HPSE2: variants seen among roughly 807,000 people sequenced by gnomAD.
HPSE2 encodes heparanase 2 (inactive).
A neutral mutation model predicts 60.5 loss-of-function variants in HPSE2; 38 were observed. The ratio of observed to expected loss-of-function variants is 0.63; its 90% confidence interval spans 0.48 to 0.82. The LOEUF (loss-of-function observed/expected upper bound fraction) is 0.82. Among genes scored for constraint, HPSE2 ranks in the 40% least tolerant of loss-of-function variants. The probability of loss-of-function intolerance (pLI) is 0.00; values close to 1 mark genes in which losing one functional copy is unlikely to be tolerated. For missense variants in HPSE2, 713 were observed against 740.4 expected (o/e 0.96, Z 0.43); for synonymous variants, 295 against 293.2 (o/e 1.01, Z -0.06).
chr10:99,202,626 G>A (rs1170695117), intron 2 of HPSE2, among the ~76,000 whole-genome samples: 1 of 152,012 alleles, frequency 6.6e-6, no homozygotes, highest in East Asian at 1.9e-4. Context: ...GTGGTATTTG[G>A]AAACCTGCTT....
the HPSE2 span, among the ~76,000 whole-genome samples, chr10:99,299,524 CTTG>C: frequency 6.6e-6 from 1 of 152,176 alleles, no homozygotes; most frequent in South Asian, 2.1e-4. Flanking sequence ...TTATCATCCA[CTTG>C]TTGTACTGTA....
intron 3 of HPSE2, among the ~76,000 whole-genome samples, chr10:99,020,105 C>T (rs887647565): frequency 1.3e-5 from 2 of 152,128 alleles, no homozygotes; most frequent in Non-Finnish European, 2.9e-5. Context: ...TCCCAGAGCT[C>T]ATTCCTATCA....
the HPSE2 span, among the ~76,000 whole-genome samples, chr10:99,282,755 ACAAT>A: frequency 6.6e-6 from 1 of 152,234 alleles, no homozygotes. Context: ...GCTTAAACAA[ACAAT>A]CAGATCAAAA....
intron 3 of HPSE2, among the ~76,000 whole-genome samples, chr10:98,750,155 C>T (rs1949726808): frequency 6.6e-6 from 1 of 151,716 alleles, no homozygotes; most frequent in South Asian, 2.1e-4. Context: ...AAGAAGGGAG[C>T]AAGTCAAGTA....
At chr10:98,999,692 A>G (rs560402540) in intron 3 of HPSE2, among the ~76,000 whole-genome samples, 2 of 152,174 alleles carry the variant, frequency 1.3e-5, no homozygotes, top group Non-Finnish European at 2.9e-5. Flanking sequence ...TTCAAGCAGA[A>G]AAGCCCAAAC....
At chr10:98,596,895 C>T (rs1015759839) in intron 9 of HPSE2, among the ~76,000 whole-genome samples, 3 of 152,058 alleles carry the variant, frequency 2.0e-5, no homozygotes, top group Non-Finnish European at 4.4e-5. Context: ...TTAATAAAGA[C>T]ATACCTGAGA....
chr10:98,580,426 T>G (rs1037586650), intron 9 of HPSE2, among the ~76,000 whole-genome samples: 1 of 152,166 alleles, frequency 6.6e-6, no homozygotes, highest in Non-Finnish European at 1.5e-5. Flanking sequence ...ATAACTTTTC[T>G]TTCAATATTT....
intron 9 of HPSE2, among the ~76,000 whole-genome samples, chr10:98,575,224 C>A (rs1486175457): frequency 6.6e-6 from 1 of 152,138 alleles, no homozygotes; most frequent in African/African-American, 2.4e-5. Context: ...CTAGGCATAA[C>A]TGAATTTGCT....
At chr10:98,972,212 C>G (rs1480623417) in intron 3 of HPSE2, among the ~76,000 whole-genome samples, 2 of 151,676 alleles carry the variant, frequency 1.3e-5, no homozygotes, top group East Asian at 3.9e-4. Context: ...ATTTTCTGTT[C>G]CTATTCTTCA....
chr10:98,561,752 G>A (rs987810317), intron 9 of HPSE2, among the ~76,000 whole-genome samples: 4 of 152,104 alleles, frequency 2.6e-5, no homozygotes, highest in African/African-American at 9.7e-5. Context: ...CGAGGTTGAG[G>A]CACGAGAATC....
At chr10:98,608,682 C>T (rs746818200) in intron 9 of HPSE2, among the ~76,000 whole-genome samples, 2 of 152,168 alleles carry the variant, frequency 1.3e-5, no homozygotes, top group Non-Finnish European at 2.9e-5. Flanking sequence ...TCTCAGCAGC[C>T]GCAGGTTCCC....
At chr10:98,598,227 C>G (rs1280278680) in intron 9 of HPSE2, among the ~76,000 whole-genome samples, 2 of 152,030 alleles carry the variant, frequency 1.3e-5, no homozygotes, top group African/African-American at 4.8e-5. Flanking sequence ...GTGGCTTTAC[C>G]AGTCAGCCCA....
At chr10:99,281,094 C>T in the HPSE2 span, among the ~76,000 whole-genome samples, 1 of 151,396 alleles carries the variant, frequency 6.6e-6, no homozygotes, top group African/African-American at 2.4e-5. Context: ...TAGAATAGTG[C>T]CTATATTAAT....
At chr10:99,259,963 C>T in the HPSE2 span, among the ~76,000 whole-genome samples, 1 of 152,170 alleles carries the variant, frequency 6.6e-6, no homozygotes, top group Admixed American at 6.5e-5. Flanking sequence ...CCACCCTCAA[C>T]CCTTCCCCCG....
At chr10:99,308,379 CAAAAA>C in the HPSE2 span, among the ~76,000 whole-genome samples, 4 of 28,148 alleles carry the variant, frequency 1.4e-4, no homozygotes, top group Non-Finnish European at 2.1e-4. Flanking sequence ...GACTCTGTCT[CAAAAA>C]AAAAAAAAAA....
At chr10:98,881,112 C>T (rs1461533371) in intron 3 of HPSE2, among the ~76,000 whole-genome samples, 1 of 152,076 alleles carries the variant, frequency 6.6e-6, no homozygotes, top group Non-Finnish European at 1.5e-5. Context: ...TGGGCCTTCA[C>T]CCTCCTTTCT....
chr10:99,067,005 A>C (rs576628293), intron 3 of HPSE2, among the ~76,000 whole-genome samples: 1 of 152,310 alleles, frequency 6.6e-6, no homozygotes, highest in South Asian at 2.1e-4. Flanking sequence ...ACTCATTCCA[A>C]ATGGGAGAAA....
At chr10:98,936,259 T>C (rs954557246) in intron 3 of HPSE2, among the ~76,000 whole-genome samples, 9 of 144,126 alleles carry the variant, frequency 6.2e-5, no homozygotes, top group Admixed American at 2.1e-4. Context: ...TGGGACCCAC[T>C]GAGCAAGACC....
In HPSE2 at chr10:99,184,805, TATATATATATATATAGAGAGAGAGAG is replaced by T. The variant is rs1319246885; in HGVS notation, c.449-40432_449-40407del. On this transcript the variant is annotated intron_variant, in intron 2 of 11. Transcript: ENST00000370552. ...CCAAAATTATATATATATATATATA[TATATATATATATATAGAGAGAGAGAG>T]AGAGAGAGAGAGAGAGAGAGAGAGA... Among the ~76,000 whole-genome samples, 46 of 35,002 alleles carry T rather than the reference TATATATATATATATAGAGAGAGAGAG, an allele frequency of 1.3e-3. 1 individual carries two copies. The South Asian group carries it at 0.017, about 13-fold the overall frequency. 23.0% of individuals were successfully genotyped at this position (35,002 alleles called of 152,430 possible). A position where few individuals can be genotyped will look rare whatever the true frequency, so the allele number is the denominator to read the frequency against.
Sources: allele counts gnomAD v4.1 joint callset (sites outside exome capture counted in the v4.1 genomes callset), GRCh38; gene constraint gnomAD v4.1.1; transcripts MANE v1.5; gene names NCBI Gene and HGNC (gene_info 2026-07-23, HGNC 2026-07-21).